KCNQ1: variants seen among roughly 807,000 people sequenced by gnomAD.
The protein encoded by KCNQ1 is potassium voltage-gated channel subfamily Q member 1, also known as potassium voltage-gated channel subfamily KQT member 1.
In KCNQ1, 49 loss-of-function variants were observed where a neutral mutation model predicts 72.4. The ratio of observed to expected loss-of-function variants is 0.68; its 90% CI spans 0.54 to 0.86. KCNQ1 has a LOEUF of 0.86. Among genes scored for constraint, KCNQ1 ranks in the 40% least tolerant of loss-of-function variants. The pLI, the probability that KCNQ1 is intolerant of heterozygous loss-of-function variation, is 0.00. For synonymous variants in KCNQ1, 450 were observed against 412.6 expected (o/e 1.09, Z -1.10); for missense variants, 790 against 945.1 (o/e 0.84, Z 2.15).
chr11:2,589,315 C>A (rs1460287721), intron 10 of KCNQ1, among the ~76,000 whole-genome samples: 2 of 152,172 alleles, frequency 1.3e-5, no homozygotes, highest in Non-Finnish European at 2.9e-5. Context: ...ACGGGACAGG[C>A]CCTTCTCATG....
intron 11 of KCNQ1, among the ~76,000 whole-genome samples, chr11:2,761,059 C>T (rs1025516566): frequency 2.6e-5 from 4 of 152,202 alleles, no homozygotes; most frequent in African/African-American, 9.7e-5. Context: ...CCTTGGCGTA[C>T]TGGAAGAATC....
chr11:2,797,378 C>T (rs541995674), intron 15 of KCNQ1, among the ~76,000 whole-genome samples: 10 of 152,346 alleles, frequency 6.6e-5, no homozygotes, highest in South Asian at 2.1e-4. Context: ...GTGTGCCTGA[C>T]GGGGCCAGGA....
intron 10 of KCNQ1, chr11:2,648,592 CTT>C: frequency 5.0e-6 from 2 of 398,500 alleles, no homozygotes; most frequent in Non-Finnish European, 8.8e-6. Context: ...AGAAGTTCCT[CTT>C]GTTATTGATT....
intron 15 of KCNQ1, among the ~76,000 whole-genome samples, chr11:2,832,035 C>T (rs904006152): frequency 6.6e-6 from 1 of 152,204 alleles, no homozygotes; most frequent in African/African-American, 2.4e-5. Flanking sequence ...CTCCAGGCAG[C>T]CCTGCAGGTG....
rs1590047675 is a variant in KCNQ1 at position 2,713,467 on chromosome 11, G to T, written c.1514+51386G>T. 6.6e-6 allele frequency among the ~76,000 whole-genome samples: 1 copy of T among 152,202 alleles called. No individual in the cohort carries two copies. The highest frequency in any genetic ancestry group is 1.9e-4 in the East Asian group (1 of 5,200). On this transcript the variant is annotated intron_variant, in intron 11 of 15. Coordinates refer to ENST00000155840, the MANE Select transcript of KCNQ1 (RefSeq NM_000218.3). This position sits in a 1 kb window ranked among gnomAD's most constrained non-coding sequence, Gnocchi z 5.6. ...GATTCCAGAACAAGTCACAGCCATT[G>T]TAGATTTTGATTAATCGCCATCCCC...
chr11:2,545,306 TTC>T (rs919653916), intron 2 of KCNQ1, among the ~76,000 whole-genome samples: 1 of 152,200 alleles, frequency 6.6e-6, no homozygotes, highest in Non-Finnish European at 1.5e-5. Flanking sequence ...TTGGGAAGTG[TTC>T]TCTCTCCCTT....
chr11:2,630,486 C>T (rs1849335535), intron 10 of KCNQ1: 1 of 398,124 alleles, frequency 2.5e-6, no homozygotes, highest in Admixed American at 4.4e-5. Flanking sequence ...TATACTTCCC[C>T]CGCTACATTT....
rs948005689 is a variant in KCNQ1, at chr11:2,549,644, C to T, written c.478-20984C>T. 5.9e-5 allele frequency among the ~76,000 whole-genome samples: 9 copies of T among 151,710 alleles called. No individual in the cohort carries two copies. The highest frequency in any genetic ancestry group is 6.6e-5 in the Admixed American group (1 of 15,258). The stretch of plus-strand genomic sequence containing the variant: ...GGCCCGGGGTAGGGGCGTGGGGGGG[C>T]CTCCTCCTCCCAAGCACCTGGGGTG... On this transcript the variant is annotated intron_variant, in intron 2 of 15. Coordinates refer to ENST00000155840, the MANE Select transcript of KCNQ1 (RefSeq NM_000218.3). The surrounding 1 kb of genome is among the most constrained non-coding windows in gnomAD (Gnocchi z 6.2).
rs1373179661 is a variant in KCNQ1, at chr11:2,600,688, T to G, written c.1393+11834T>G. On this transcript the variant is annotated intron_variant, in intron 10 of 15. Transcript: ENST00000155840. This position sits in a 1 kb window ranked among gnomAD's most constrained non-coding sequence, Gnocchi z 5.6. ...TTTGTCAGTTGCCATGACAATGTCC[T>G]TTGTGGCATTTTTTCCTCCACTGCA... Among the ~76,000 whole-genome samples the G allele has an allele frequency of 6.6e-6, 1 of 152,234 alleles. No homozygotes were observed. The highest frequency in any genetic ancestry group is 1.5e-5 in the Non-Finnish European group (1 of 68,038).
At chr11:2,643,998 C>T in intron 10 of KCNQ1, 1 of 398,536 alleles carries the variant, frequency 2.5e-6, no homozygotes, top group Non-Finnish European at 4.4e-6. Context: ...TTGTAAGTGT[C>T]TACAACCTCT....
At position 2,478,173 on chromosome 11, in the gene KCNQ1, C is replaced by A. The variant is rs896281655; in HGVS notation, c.386+32689C>A. ...GGTCGAATCATCCGGAGACACAGGG[C>A]AAACCCACATGGAGGGAGACACACA... On this transcript the variant is annotated intron_variant, in intron 1 of 15. Transcript: ENST00000155840. This position sits in a 1 kb window ranked among gnomAD's most constrained non-coding sequence, Gnocchi z 4.0. Among the ~76,000 whole-genome samples the A allele has an allele frequency of 6.6e-6, 1 of 152,150 alleles. No individual in the cohort carries two copies. Among genetic ancestry groups the A allele is most frequent in the African/African-American group, 2.4e-5 (1 of 41,422 alleles).
chr11:2,623,421 T>G lies in KCNQ1; in HGVS notation c.1393+34567T>G. The stretch of plus-strand genomic sequence containing the variant: ...CTAAAAGTACTCTGTGCACTGCCTA[T>G]TCAACCCTTCTTCCCCAACAACCCT... On this transcript the variant is annotated intron_variant, in intron 10 of 15. Coordinates refer to ENST00000155840, the MANE Select transcript of KCNQ1 (RefSeq NM_000218.3). The surrounding 1 kb of genome is among the most constrained non-coding windows in gnomAD (Gnocchi z 5.2). 2.5e-6 allele frequency: 1 copy of G among 398,644 alleles called. No homozygotes were observed. The highest frequency in any genetic ancestry group is 4.4e-6 in the Non-Finnish European group (1 of 226,064). 24.7% of individuals were successfully genotyped at this position (398,644 alleles called of 1,614,324 possible).
chr11:2,646,183 C>G, intron 10 of KCNQ1: 1 of 398,626 alleles, frequency 2.5e-6, no homozygotes, highest in Non-Finnish European at 4.4e-6. Context: ...ACTGTGGTTA[C>G]CTACTTGCTA....
At chr11:2,510,265 C>T (rs1038564997) in intron 1 of KCNQ1, among the ~76,000 whole-genome samples, 2 of 150,840 alleles carry the variant, frequency 1.3e-5, no homozygotes, top group African/African-American at 4.9e-5. Flanking sequence ...AGTGACAGAA[C>T]GAGACCCTGT....
chr11:2,819,347 C>A (rs1847685549), intron 15 of KCNQ1, among the ~76,000 whole-genome samples: 1 of 152,112 alleles, frequency 6.6e-6, no homozygotes, highest in Non-Finnish European at 1.5e-5. Context: ...GCCCAGCCCA[C>A]CCTCCCCTGG....
intron 10 of KCNQ1, chr11:2,619,426 T>C (rs1165532831): frequency 5.0e-6 from 2 of 398,482 alleles, no homozygotes; most frequent in Admixed American, 8.8e-5. Context: ...TCAATTGAGA[T>C]GATCATGTGG....
intron 10 of KCNQ1, chr11:2,655,859 C>T: frequency 2.5e-6 from 1 of 398,700 alleles, no homozygotes; most frequent in Non-Finnish European, 4.4e-6. Context: ...ATTGGAAAAA[C>T]AAATCTGTGG....
chr11:2,470,710 G>C (rs4350347), intron 1 of KCNQ1, among the ~76,000 whole-genome samples: 3 of 148,402 alleles, frequency 2.0e-5, no homozygotes, highest in African/African-American at 2.5e-5. Context: ...TAGGTGGGGG[G>C]GGGGGTGCTT....
chr11:2,641,276 A>C (rs974677373), intron 10 of KCNQ1: 2 of 398,348 alleles, frequency 5.0e-6, no homozygotes, highest in African/African-American at 4.1e-5. Context: ...ATTCCCACCA[A>C]CAGTGTATAA....
Sources: gnomAD v4.1 joint callset for allele counts (sites outside exome capture counted in the v4.1 genomes callset) on GRCh38, gnomAD v4.1.1 for gene constraint, Gnocchi (gnomAD v3.1) non-coding constraint, MANE v1.5 for transcripts, NCBI Gene and HGNC (gene_info 2026-07-23, HGNC 2026-07-21) for gene names.